PPARGC1A: variants seen among roughly 807,000 people sequenced by gnomAD.
The protein encoded by PPARGC1A is PPARG coactivator 1 alpha.
PPARGC1A carries 25 observed loss-of-function variants against 88.7 expected under a neutral mutation model. That is an observed-to-expected ratio of 0.28 (90% CI 0.21 to 0.39). PPARGC1A has a LOEUF of 0.39. Ranked by LOEUF, PPARGC1A falls within the 10% of genes least tolerant of loss-of-function variation. The pLI is 1.00. For missense variants in PPARGC1A, 880 were observed against 968.7 expected (o/e 0.91, Z 1.22); for synonymous variants, 363 against 355.6 (o/e 1.02, Z -0.24).
intron 10 of PPARGC1A, among the ~76,000 whole-genome samples, chr4:23,806,460 C>CA (rs1170248202): frequency 6.6e-6 from 1 of 152,144 alleles, no homozygotes; most frequent in Admixed American, 6.5e-5. Flanking sequence ...GAAAAGAAAT[C>CA]AAAATGCTTA....
the PPARGC1A span, among the ~76,000 whole-genome samples, chr4:24,342,839 C>A: frequency 6.6e-6 from 1 of 152,174 alleles, no homozygotes; most frequent in East Asian, 1.9e-4. Flanking sequence ...CCTTGCTCTG[C>A]TAGCTGATCA....
chr4:24,424,372 T>G, the PPARGC1A span, among the ~76,000 whole-genome samples: 1 of 140,572 alleles, frequency 7.1e-6, no homozygotes, highest in African/African-American at 2.6e-5. Context: ...ACCTCCCGGG[T>G]TCACGCCATT....
the PPARGC1A span, among the ~76,000 whole-genome samples, chr4:24,140,178 GC>G: frequency 2.0e-5 from 3 of 152,170 alleles, no homozygotes; most frequent in East Asian, 5.8e-4. Flanking sequence ...GTAAGAGAAT[GC>G]ATTTGGCCTC....
At chr4:23,973,442 G>C in the PPARGC1A span, among the ~76,000 whole-genome samples, 1 of 152,136 alleles carries the variant, frequency 6.6e-6, no homozygotes, top group Non-Finnish European at 1.5e-5. Context: ...ATCTTGCCTT[G>C]CAAAGTTTTT....
the PPARGC1A span, among the ~76,000 whole-genome samples, chr4:23,987,561 C>T: frequency 1.3e-5 from 2 of 151,924 alleles, no homozygotes; most frequent in Non-Finnish European, 2.9e-5. Flanking sequence ...GTCACTGCTT[C>T]CTGGAAGCCT....
the PPARGC1A span, among the ~76,000 whole-genome samples, chr4:24,289,354 G>A: frequency 0.012 from 1,845 of 151,296 alleles, 43 homozygotes; most frequent in African/African-American, 0.043. Context: ...CTGACCCTTC[G>A]CTGCACTCTC....
At chr4:24,285,043 AAAG>A in the PPARGC1A span, among the ~76,000 whole-genome samples, 42 of 150,720 alleles carry the variant, frequency 2.8e-4, 1 homozygote, top group East Asian at 5.4e-3. Flanking sequence ...AGTAAAAAAG[AAAG>A]AAGAAGTTAA....
the PPARGC1A span, among the ~76,000 whole-genome samples, chr4:24,118,557 A>C: frequency 1.3e-5 from 2 of 152,190 alleles, no homozygotes; most frequent in Non-Finnish European, 2.9e-5. Flanking sequence ...TATTATTTTT[A>C]GAACACTACT....
At chr4:24,002,097 C>CACACACAGAG in the PPARGC1A span, among the ~76,000 whole-genome samples, 44 of 125,380 alleles carry the variant, frequency 3.5e-4, no homozygotes, top group Middle Eastern at 4.0e-3. Context: ...CACACACACA[C>CACACACAGAG]AGAGAGAGAG....
chr4:24,305,030 A>T, the PPARGC1A span, among the ~76,000 whole-genome samples: 1 of 152,002 alleles, frequency 6.6e-6, no homozygotes, highest in African/African-American at 2.4e-5. Context: ...CTTACAGTCA[A>T]GTAGGTTGTT....
the PPARGC1A span, among the ~76,000 whole-genome samples, chr4:24,382,149 A>C: frequency 2.5e-5 from 3 of 121,558 alleles, no homozygotes; most frequent in South Asian, 8.4e-4. Context: ...ACTTAGAGAA[A>C]ACCTAAAAAT....
chr4:24,311,350 C>T, the PPARGC1A span, among the ~76,000 whole-genome samples: 2 of 149,432 alleles, frequency 1.3e-5, no homozygotes, highest in Admixed American at 1.3e-4. Flanking sequence ...ATCCGCCCGC[C>T]TCTGCCTCCC....
chr4:23,872,457 A>G (rs1445376285), intron 2 of PPARGC1A, among the ~76,000 whole-genome samples: 1 of 152,110 alleles, frequency 6.6e-6, no homozygotes, highest in Non-Finnish European at 1.5e-5. Context: ...GGGCAGTGGG[A>G]CAGATCTTGG....
At chr4:24,345,646 G>C in the PPARGC1A span, among the ~76,000 whole-genome samples, 1 of 152,006 alleles carries the variant, frequency 6.6e-6, no homozygotes, top group African/African-American at 2.4e-5. Flanking sequence ...CGGAAACTTT[G>C]CTGAATTCTT....
chr4:24,174,099 C>A, the PPARGC1A span, among the ~76,000 whole-genome samples: 2 of 152,188 alleles, frequency 1.3e-5, no homozygotes, highest in South Asian at 2.1e-4. Context: ...GCAGAGGACA[C>A]ATCTGCACCT....
chr4:24,201,340 C>G, the PPARGC1A span, among the ~76,000 whole-genome samples: 2 of 152,200 alleles, frequency 1.3e-5, no homozygotes, highest in Non-Finnish European at 2.9e-5. Context: ...AGTTACATTG[C>G]CAACCCTCAC....
the PPARGC1A span, among the ~76,000 whole-genome samples, chr4:24,261,731 C>G: frequency 6.7e-6 from 1 of 148,668 alleles, no homozygotes; most frequent in East Asian, 2.0e-4. Context: ...TTCTTCCGTT[C>G]CTTTCTCCTA....
the PPARGC1A span, among the ~76,000 whole-genome samples, chr4:24,469,386 G>T: frequency 1.3e-5 from 2 of 152,136 alleles, no homozygotes; most frequent in Admixed American, 6.5e-5. Context: ...GTTGGAAACC[G>T]CAAATCCTGG....
chr4:24,438,253 TG>T, the PPARGC1A span, among the ~76,000 whole-genome samples: 4,392 of 152,230 alleles, frequency 0.029, 229 homozygotes, highest in African/African-American at 0.099. Context: ...ATGGAATTGC[TG>T]GGGTAATAAA....
Sources: gnomAD v4.1 joint callset for allele counts (sites outside exome capture counted in the v4.1 genomes callset) on GRCh38, gnomAD v4.1.1 for gene constraint, MANE v1.5 for transcripts, NCBI Gene and HGNC (gene_info 2026-07-23, HGNC 2026-07-21) for gene names.